The following FAR1 variants were observed in gnomAD, a reference collection of about 807,000 sequenced individuals.
FAR1 encodes male sterility domain-containing protein 2.
In FAR1, 22 loss-of-function variants were observed where a neutral mutation model predicts 61.1. The ratio of observed to expected loss-of-function variants is 0.36; its 90% CI spans 0.26 to 0.51. The LOEUF is 0.51. Among genes scored for constraint, FAR1 ranks in the 20% least tolerant of loss-of-function variants. The pLI, the probability that FAR1 is intolerant of heterozygous loss-of-function variation, is 0.95. For synonymous variants in FAR1, 206 were observed against 209.7 expected, an observed-to-expected ratio of 0.98 and a Z score of 0.15; for missense variants, 359 against 626.9, an observed-to-expected ratio of 0.57 and a Z score of 4.56.
chr11:13,720,325 T>C (rs946678771), intron 9 of FAR1: 1 of 152,122 alleles, frequency 6.6e-6, no homozygotes, highest in Non-Finnish European at 1.5e-5. Flanking sequence ...ACTGGCGTGA[T>C]AGTATATATT....
At chr11:13,713,340 T>C (rs777215199) in intron 8 of FAR1, among the ~76,000 whole-genome samples, 2 of 151,920 alleles carry the variant, frequency 1.3e-5, no homozygotes, top group Non-Finnish European at 2.9e-5. Context: ...AGTGCTTTTT[T>C]TCTCCCTTGT....
Position 13,712,129 on chromosome 11 carries a change from C to T in FAR1, c.887+83C>T, listed in dbSNP as rs1848506033. ...AGCTTTTGAGTAATGTTAATTAATC[C>T]CTCTATCCAGATATTGCCATACCAA... On this transcript the variant is annotated intron_variant, in intron 7 of 11. Coordinates refer to ENST00000354817, the MANE Select transcript of FAR1 (RefSeq NM_032228.6). 3.1e-6 allele frequency: 3 copies of T among 969,466 alleles called. No homozygotes were observed. The South Asian group carries it at 4.0e-5, about 13-fold the overall frequency. 60.1% of individuals were successfully genotyped at this position (969,466 alleles called of 1,614,324 possible). A position where few individuals can be genotyped will look rare whatever the true frequency, so the allele number is the denominator to read the frequency against.
At chr11:13,693,139 G>T (rs186071337) in intron 1 of FAR1, among the ~76,000 whole-genome samples, 5 of 152,230 alleles carry the variant, frequency 3.3e-5, no homozygotes, top group Admixed American at 1.3e-4. Flanking sequence ...ATTGGAAGAA[G>T]AATTATCTTG....
intron 3 of FAR1, among the ~76,000 whole-genome samples, chr11:13,704,289 G>A (rs900090498): frequency 2.0e-5 from 3 of 151,768 alleles, no homozygotes; most frequent in Non-Finnish European, 4.4e-5. Flanking sequence ...TGTGGTTTGC[G>A]GAAAATTCAT....
intron 4 of FAR1, among the ~76,000 whole-genome samples, chr11:13,709,251 G>A (rs1172107485): frequency 2.0e-5 from 3 of 151,852 alleles, no homozygotes; most frequent in Non-Finnish European, 4.4e-5. Context: ...CAGATAGATT[G>A]TAAAAAAAAT....
chr11:13,678,334 C>T (rs928071221), intron 1 of FAR1, among the ~76,000 whole-genome samples: 13 of 151,996 alleles, frequency 8.6e-5, no homozygotes, highest in Admixed American at 2.0e-4. Flanking sequence ...GTGCGATCTC[C>T]GCTCACTGCA....
intron 1 of FAR1, among the ~76,000 whole-genome samples, chr11:13,694,402 A>G (rs1056902930): frequency 6.6e-6 from 1 of 152,208 alleles, no homozygotes; most frequent in Non-Finnish European, 1.5e-5. Context: ...CAGAGAAACC[A>G]TTCATTTGTG....
chr11:13,722,264 T>A (rs1334289973), intron 10 of FAR1, among the ~76,000 whole-genome samples: 1 of 152,160 alleles, frequency 6.6e-6, no homozygotes, highest in Non-Finnish European at 1.5e-5. Flanking sequence ...TTTGTTACTT[T>A]GGAACTTAAA....
rs1848291358 is a variant in FAR1 at position 13,694,929 on chromosome 11, G to T, written c.164G>T (p.Arg55Leu). 2 of 1,612,124 alleles carry T rather than the reference G, an allele frequency of 1.2e-6. No homozygotes were observed. Among genetic ancestry groups the T allele is most frequent in the South Asian group, 1.1e-5 (1 of 90,662 alleles). Reference sequence around the variant, plus strand: ...AAAGCTGGACAGACACCACAAGAGCGAGTGGAAGAAGTCCTTAGTGGCAAG... The same window carrying T: ...AAAGCTGGACAGACACCACAAGAGCTAGTGGAAGAAGTCCTTAGTGGCAAG... ...RQKAGQTPQE[R>L]VEEVLSGKLF... Residue 55 changes from arginine (R) to leucine (L), a missense_variant, in exon 2 of 12, where the codon CGA becomes CTA. Around this residue, in one of 2 missense-constraint regions of FAR1, gnomAD observed 344 missense variants for 570.3 expected, o/e 0.60. Coordinates refer to ENST00000354817, the MANE Select transcript of FAR1 (RefSeq NM_032228.6).
At chr11:13,715,166 T>G (rs1848542200) in intron 9 of FAR1, among the ~76,000 whole-genome samples, 2 of 152,128 alleles carry the variant, frequency 1.3e-5, no homozygotes, top group South Asian at 4.1e-4. Context: ...TAGCAGTAAA[T>G]ACACTATGTA....
intron 1 of FAR1, among the ~76,000 whole-genome samples, chr11:13,670,729 T>TTC (rs1555057326): frequency 6.6e-5 from 10 of 151,932 alleles, no homozygotes; most frequent in African/African-American, 1.7e-4. Flanking sequence ...TTTTTTTTTT[T>TTC]CACTCAGGAA....
Position 13,730,412 on chromosome 11 carries a change from A to G in FAR1, c.*1638A>G, listed in dbSNP as rs185014017. ...ATATTATTTTAAAAGAAATATGTAT[A>G]TAAATATCTCTATATTCTTTGGAAT... On this transcript the variant is annotated 3_prime_UTR_variant, in exon 12 of 12. Coordinates refer to ENST00000354817, the MANE Select transcript of FAR1 (RefSeq NM_032228.6). The G allele has an allele frequency of 5.5e-4, 84 of 152,472 alleles. 1 individual carries two copies. The highest frequency in any genetic ancestry group is 1.9e-3 in the African/African-American group (80 of 41,538). The allele number at this position is 152,472 out of a possible 1,614,324, so 9.4% of individuals were successfully genotyped here.
intron 8 of FAR1, 96 bp from the exon 9 acceptor site, chr11:13,714,413 G>T (rs1848532881): frequency 1.6e-6 from 2 of 1,226,352 alleles, no homozygotes; most frequent in Non-Finnish European, 2.2e-6. Flanking sequence ...TGACATCTTT[G>T]GTAAAATATT....
chr11:13,713,400 A>G (rs543524011), intron 8 of FAR1, among the ~76,000 whole-genome samples: 6 of 152,046 alleles, frequency 3.9e-5, no homozygotes, highest in Admixed American at 1.3e-4. Context: ...ATCACTTCTT[A>G]CAAGAGGTGG....
At chr11:13,711,308 G>A (rs1591267863) in intron 5 of FAR1, among the ~76,000 whole-genome samples, 1 of 152,236 alleles carries the variant, frequency 6.6e-6, no homozygotes, top group African/African-American at 2.4e-5. Context: ...GCAAAACCTA[G>A]GTCTGTGTAA....
At chr11:13,716,247 G>A (rs1370500083) in intron 9 of FAR1, among the ~76,000 whole-genome samples, 1 of 151,932 alleles carries the variant, frequency 6.6e-6, no homozygotes, top group East Asian at 1.9e-4. Context: ...TGCCTTACAC[G>A]AAGAAAGAGG....
chr11:13,730,575 C>G lies in FAR1; in HGVS notation c.*1801C>G, dbSNP rs1848713793. 6.6e-6 allele frequency: 1 copy of G among 151,966 alleles called. No homozygotes were observed. Among genetic ancestry groups the G allele is most frequent in the African/African-American group, 2.4e-5 (1 of 41,394 alleles). The allele number at this position is 151,966 out of a possible 1,614,324, so 9.4% of individuals were successfully genotyped here. A position where few individuals can be genotyped will look rare whatever the true frequency, so the allele number is the denominator to read the frequency against. On this transcript the variant is annotated 3_prime_UTR_variant, in exon 12 of 12. Coordinates refer to ENST00000354817, the MANE Select transcript of FAR1 (RefSeq NM_032228.6). ...ATATACATTGAGTACTCCATCTCTC[C>G]AAATGTATTTCCATAATGTGTTGAA...
In FAR1 at chr11:13,731,579, C is replaced by T. The variant is rs1242395002; in HGVS notation, c.*2805C>T. On this transcript the variant is annotated 3_prime_UTR_variant, in exon 12 of 12. Transcript: ENST00000354817. ...GATTACAGGAAGCAGTCCTTACTTA[C>T]ACTTCTTGTCTGTTTTAGGTGTACT... The T allele has an allele frequency of 6.6e-6, 1 of 152,384 alleles. No homozygotes were observed. Among genetic ancestry groups the T allele is most frequent in the Admixed American group, 6.5e-5 (1 of 15,268 alleles). The allele number at this position is 152,384 out of a possible 1,614,324, so 9.4% of individuals were successfully genotyped here. A position where few individuals can be genotyped will look rare whatever the true frequency, so the allele number is the denominator to read the frequency against.
At chr11:13,691,461 C>CT (rs1339173623) in intron 1 of FAR1, among the ~76,000 whole-genome samples, 1 of 152,190 alleles carries the variant, frequency 6.6e-6, no homozygotes, top group African/African-American at 2.4e-5. Context: ...ACTGCCACCT[C>CT]TATCTAGTTC....
Sources: gnomAD v4.1 joint callset for allele counts (sites outside exome capture counted in the v4.1 genomes callset) on GRCh38, gnomAD v4.1.1 for gene constraint, gnomAD v4.1.1 regional missense constraint, MANE v1.5 for transcripts, NCBI Gene and HGNC (gene_info 2026-07-23, HGNC 2026-07-21) for gene names.